The following RUBCN variants were observed in gnomAD, a reference collection of about 807,000 sequenced individuals.
The protein encoded by RUBCN is run domain Beclin-1-interacting and cysteine-rich domain-containing protein.
RUBCN carries 74 observed loss-of-function variants against 113.2 expected under a neutral mutation model. The observed-to-expected ratio is 0.65, with a 90% CI of 0.54 to 0.79. The LOEUF (loss-of-function observed/expected upper bound fraction) is 0.79. RUBCN is among the 30% of genes least tolerant of loss of function. The pLI, the probability that RUBCN is intolerant of heterozygous loss-of-function variation, is 0.00. For missense variants in RUBCN, 1,109 were observed against 1,251.7 expected (o/e 0.89, Z 1.72); for synonymous variants, 480 against 490.0 (o/e 0.98, Z 0.27).
chr3:197,709,359 C>T (rs1724689393), intron 2 of RUBCN, among the ~76,000 whole-genome samples: 1 of 152,064 alleles, frequency 6.6e-6, no homozygotes, highest in Non-Finnish European at 1.5e-5. Context: ...GAACTACCCG[C>T]TACCATAATG....
chr3:197,706,683 TA>T (rs1724334091), intron 2 of RUBCN, among the ~76,000 whole-genome samples: 1 of 151,696 alleles, frequency 6.6e-6, no homozygotes, highest in African/African-American at 2.4e-5. Flanking sequence ...GATCCTGTCT[TA>T]AAAAAACAAA....
At chr3:197,723,375 G>C (rs1439943299) in intron 1 of RUBCN, among the ~76,000 whole-genome samples, 1 of 151,918 alleles carries the variant, frequency 6.6e-6, no homozygotes, top group Non-Finnish European at 1.5e-5. Flanking sequence ...TAGTAGAGAC[G>C]GGGTTTCACT....
intron 2 of RUBCN, among the ~76,000 whole-genome samples, chr3:197,716,700 G>T (rs1725554461): frequency 6.6e-6 from 1 of 152,164 alleles, no homozygotes; most frequent in Non-Finnish European, 1.5e-5. Flanking sequence ...AGGATTTTGA[G>T]ATGGGGCGAT....
rs1171385461 is a variant in RUBCN at position 197,672,073 on chromosome 3, G to A, written c.*2945C>T. 1 of 152,250 alleles carries A rather than the reference G, an allele frequency of 6.6e-6. No homozygotes were observed. Among genetic ancestry groups the A allele is most frequent in the African/African-American group, 2.4e-5 (1 of 41,462 alleles). 9.4% of individuals were successfully genotyped at this position (152,250 alleles called of 1,614,324 possible). ...AAGCACCACAGCAGGTGGAAACGCA[G>A]TTCAGAGCACGGGCGGCACACACGG... On this transcript the variant is annotated 3_prime_UTR_variant, in exon 20 of 20. Coordinates refer to ENST00000296343, the MANE Select transcript of RUBCN (RefSeq NM_014687.4).
intron 2 of RUBCN, among the ~76,000 whole-genome samples, chr3:197,710,936 C>T (rs984195649): frequency 5.9e-5 from 9 of 152,126 alleles, no homozygotes; most frequent in Admixed American, 1.3e-4. Flanking sequence ...AGTGATTCTC[C>T]TGCCTCAGCC....
At chr3:197,686,477 C>T (rs1721860209) in intron 11 of RUBCN, among the ~76,000 whole-genome samples, 1 of 152,182 alleles carries the variant, frequency 6.6e-6, no homozygotes, top group Non-Finnish European at 1.5e-5. Context: ...GTCAAAGGGG[C>T]CATGACCCCT....
At position 197,674,680 on chromosome 3, in the gene RUBCN, C is replaced by A; in HGVS notation, c.*338G>T. ...AATGATACCTGACATGCAGGTGAAA[C>A]CTAGAGGAGAAGGCCACAGACGCTG... On this transcript the variant is annotated 3_prime_UTR_variant, in exon 20 of 20. Coordinates refer to ENST00000296343, the MANE Select transcript of RUBCN (RefSeq NM_014687.4). 1 of 412,180 alleles carries A rather than the reference C, an allele frequency of 2.4e-6. No homozygotes were observed. 25.5% of individuals were successfully genotyped at this position (412,180 alleles called of 1,614,324 possible).
chr3:197,719,535 C>T (rs567718469), intron 1 of RUBCN, among the ~76,000 whole-genome samples: 70 of 150,484 alleles, frequency 4.7e-4, no homozygotes, highest in Middle Eastern at 3.4e-3. Flanking sequence ...ATTAAGTACT[C>T]TATCATCCTA....
Position 197,694,480 on chromosome 3 carries a change from C to T in RUBCN, c.1579G>A (p.Asp527Asn). 1.2e-6 allele frequency: 2 copies of T among 1,614,234 alleles called. No homozygotes were observed. Among genetic ancestry groups the T allele is most frequent in the Non-Finnish European group, 8.5e-7 (1 of 1,180,044 alleles). The change falls in exon 10 of 20, where the codon GAC (aspartate) becomes AAC (asparagine). Residue 527 changes from aspartate to asparagine, a missense_variant. This residue lies in a region of RUBCN where 736 missense variants were observed against 779.6 expected (regional missense o/e 0.94). Transcript: ENST00000296343. ...CLEEEEVEEE[D>N]SDREIQELKQ... ...AGCTCCTGGATCTCTCTATCACTGT[C>T]TTCCTCTTCCACTTCCTCCTCCTCT...
At chr3:197,696,253 T>C (rs1338049218) in intron 8 of RUBCN, among the ~76,000 whole-genome samples, 2 of 151,844 alleles carry the variant, frequency 1.3e-5, no homozygotes, top group Non-Finnish European at 2.9e-5. Context: ...ATGCCTGTAA[T>C]CCCAGCTACT....
At chr3:197,706,508 C>G (rs1446346160) in intron 2 of RUBCN, among the ~76,000 whole-genome samples, 1 of 151,684 alleles carries the variant, frequency 6.6e-6, no homozygotes, top group African/African-American at 2.4e-5. Flanking sequence ...ATAGCGAGAC[C>G]CCATCTCTAC....
intron 16 of RUBCN, among the ~76,000 whole-genome samples, chr3:197,679,681 G>T (rs1720958811): frequency 6.9e-6 from 1 of 144,886 alleles, no homozygotes; most frequent in Non-Finnish European, 1.5e-5. Flanking sequence ...CTGACAACTG[G>T]CTCCAGACTG....
intron 1 of RUBCN, among the ~76,000 whole-genome samples, chr3:197,733,037 C>G (rs1281409377): frequency 6.6e-6 from 1 of 152,188 alleles, no homozygotes; most frequent in Admixed American, 6.5e-5. Flanking sequence ...AGGCAGGTTA[C>G]GTAAAGTAAC....
Position 197,726,114 on chromosome 3 carries a change from C to T in RUBCN, c.66-7984G>A, listed in dbSNP as rs114499261. On this transcript the variant is annotated intron_variant, in intron 1 of 19. Coordinates refer to ENST00000296343, the MANE Select transcript of RUBCN (RefSeq NM_014687.4). Reference sequence around the variant, plus strand: ...AGCTCCTTTATTAGAACTCCAAAAGCGTATGATGTCGCTATACCATTCCTT... The same window carrying T: ...AGCTCCTTTATTAGAACTCCAAAAGTGTATGATGTCGCTATACCATTCCTT... Among the ~76,000 whole-genome samples, 371 of 152,308 alleles carry T rather than the reference C, an allele frequency of 2.4e-3. 1 individual carries two copies. Among genetic ancestry groups the T allele is most frequent in the African/African-American group, 8.3e-3 (346 of 41,570 alleles).
At chr3:197,709,932 A>C (rs1051738875) in intron 2 of RUBCN, among the ~76,000 whole-genome samples, 2 of 151,856 alleles carry the variant, frequency 1.3e-5, no homozygotes, top group African/African-American at 4.8e-5. Flanking sequence ...GCATTTTGGG[A>C]GGCAGAGGCA....
chr3:197,706,503 G>A (rs762288652), intron 2 of RUBCN, among the ~76,000 whole-genome samples: 16 of 152,042 alleles, frequency 1.1e-4, no homozygotes, highest in Non-Finnish European at 1.9e-4. Context: ...GCAACATAGC[G>A]AGACCCCATC....
chr3:197,689,877 C>T (rs988518245), intron 11 of RUBCN, among the ~76,000 whole-genome samples: 2 of 152,158 alleles, frequency 1.3e-5, no homozygotes, highest in Non-Finnish European at 2.9e-5. Flanking sequence ...TACAGCCACG[C>T]TACTGTGCTA....
At chr3:197,726,277 C>T (rs965698138) in intron 1 of RUBCN, among the ~76,000 whole-genome samples, 1 of 152,044 alleles carries the variant, frequency 6.6e-6, no homozygotes, top group Non-Finnish European at 1.5e-5. Flanking sequence ...GACGGAGTCT[C>T]GCTCTGTCGC....
chr3:197,682,640 G>T (rs765093331), intron 13 of RUBCN, 25 bp from the exon 14 acceptor site: 1 of 1,601,862 alleles, frequency 6.2e-7, no homozygotes, highest in African/African-American at 1.4e-5. Flanking sequence ...CACAGTTGGG[G>T]TAAGCTCGTG....
Sources: gnomAD v4.1 joint callset for allele counts (sites outside exome capture counted in the v4.1 genomes callset) on GRCh38, gnomAD v4.1.1 for gene constraint, gnomAD v4.1.1 regional missense constraint, MANE v1.5 for transcripts, NCBI Gene and HGNC (gene_info 2026-07-23, HGNC 2026-07-21) for gene names.